The following ZC3H12C variants were observed in gnomAD, a reference collection of about 807,000 sequenced individuals.
ZC3H12C encodes the protein probable ribonuclease ZC3H12C.
ZC3H12C carries 20 observed loss-of-function variants against 76.3 expected under a neutral mutation model. That is an observed-to-expected ratio of 0.26 (90% CI 0.18 to 0.38). The LOEUF (loss-of-function observed/expected upper bound fraction) is 0.38. Among genes scored for constraint, ZC3H12C ranks in the 10% least tolerant of loss-of-function variants. ZC3H12C has a pLI of 1.00. For missense variants in ZC3H12C, 874 were observed against 1,086.5 expected (o/e 0.80, Z 2.75); for synonymous variants, 352 against 399.6 (o/e 0.88, Z 1.42).
At chr11:110,150,494 A>G (rs1862252259) in intron 2 of ZC3H12C, among the ~76,000 whole-genome samples, 1 of 152,172 alleles carries the variant, frequency 6.6e-6, no homozygotes, top group Non-Finnish European at 1.5e-5. Flanking sequence ...TAACAAGGAC[A>G]TTATATCTGC....
chr11:110,119,430 C>G (rs1861614783), intron 1 of ZC3H12C, among the ~76,000 whole-genome samples: 1 of 152,142 alleles, frequency 6.6e-6, no homozygotes, highest in Non-Finnish European at 1.5e-5. Context: ...TTATATGATT[C>G]AAATGCAGTT....
chr11:110,113,624 T>C (rs1212202728), intron 1 of ZC3H12C, among the ~76,000 whole-genome samples: 1 of 152,202 alleles, frequency 6.6e-6, no homozygotes, highest in Non-Finnish European at 1.5e-5. Flanking sequence ...TACAAAAATA[T>C]GCCTGTTTAT....
At chr11:110,096,001 A>C (rs1383466249) in intron 1 of ZC3H12C, among the ~76,000 whole-genome samples, 1 of 152,244 alleles carries the variant, frequency 6.6e-6, no homozygotes, top group African/African-American at 2.4e-5. Flanking sequence ...TCGTAAATCT[A>C]CCAAATGTTC....
rs1450663061 is a variant in ZC3H12C, at chr11:110,168,515, C to G, written c.*2778C>G. ...CTAACCAAATCTTTTACCAGACTTG[C>G]TAATAAATAACCAGAGAGATGTGTT... On this transcript the variant is annotated 3_prime_UTR_variant, in exon 6 of 6. Coordinates refer to ENST00000278590, the MANE Select transcript of ZC3H12C (RefSeq NM_033390.2). 12 of 152,082 alleles carry G rather than the reference C, an allele frequency of 7.9e-5. 1 individual carries two copies. The highest frequency in any genetic ancestry group is 7.9e-4 in the Admixed American group (12 of 15,264). The allele number at this position is 152,082 out of a possible 1,614,324, so 9.4% of individuals were successfully genotyped here. A position where few individuals can be genotyped will look rare whatever the true frequency, so the allele number is the denominator to read the frequency against.
chr11:110,164,564 A>G lies in ZC3H12C; in HGVS notation c.1479A>G (p.Pro493=). The G allele has an allele frequency of 6.2e-7, 1 of 1,614,030 alleles. No individual in the cohort carries two copies. The highest frequency in any genetic ancestry group is 2.2e-5 in the East Asian group (1 of 44,880). ...GTGCTCCAAAGAGGCAATCAGATCCAAGCATAAGGACACAAGTCTACCAAG... is the reference window on the plus strand; with the variant it reads ...GTGCTCCAAAGAGGCAATCAGATCCGAGCATAAGGACACAAGTCTACCAAG... ...KRGAPKRQSD[P]SIRTQVYQDL... Residue 493 remains proline, a synonymous_variant, in exon 6 of 6, where the codon CCA becomes CCG. Coordinates refer to ENST00000278590, the MANE Select transcript of ZC3H12C (RefSeq NM_033390.2). The surrounding 1 kb of genome is among the most constrained non-coding windows in gnomAD (Gnocchi z 5.7).
chr11:110,098,331 T>C (rs1374933829), intron 1 of ZC3H12C, among the ~76,000 whole-genome samples: 1 of 152,234 alleles, frequency 6.6e-6, no homozygotes, highest in Non-Finnish European at 1.5e-5. Flanking sequence ...ACAATGTGTT[T>C]CTGTCTTAAG....
chr11:110,108,880 ACTTC>A (rs1861379589), intron 1 of ZC3H12C, among the ~76,000 whole-genome samples: 1 of 152,254 alleles, frequency 6.6e-6, no homozygotes, highest in Non-Finnish European at 1.5e-5. Flanking sequence ...AGTTCTTGAT[ACTTC>A]CTTCATCTTC....
intron 3 of ZC3H12C, among the ~76,000 whole-genome samples, chr11:110,153,580 A>C (rs1011868799): frequency 6.6e-6 from 1 of 152,124 alleles, no homozygotes; most frequent in Non-Finnish European, 1.5e-5. Flanking sequence ...CTTTTGTGGA[A>C]ACTCTGACTT....
chr11:110,120,653 G>A (rs921268803), intron 1 of ZC3H12C, among the ~76,000 whole-genome samples: 1 of 152,134 alleles, frequency 6.6e-6, no homozygotes, highest in Admixed American at 6.5e-5. Context: ...AAAATCACAA[G>A]TGTTAATTTA....
At chr11:110,162,165 T>A (rs1565269397) in intron 4 of ZC3H12C, among the ~76,000 whole-genome samples, 1 of 152,104 alleles carries the variant, frequency 6.6e-6, no homozygotes, top group Non-Finnish European at 1.5e-5. Flanking sequence ...TTATGAAGGC[T>A]ATTAAGAAAC....
chr11:110,108,829 G>T (rs1384542037), intron 1 of ZC3H12C, among the ~76,000 whole-genome samples: 1 of 152,160 alleles, frequency 6.6e-6, no homozygotes, highest in Non-Finnish European at 1.5e-5. Context: ...AAGTCTAAAT[G>T]TTACTACCTT....
rs2134176976 is a variant in ZC3H12C at position 110,136,971 on chromosome 11, A to G, written c.330A>G (p.Pro110=). 1.9e-6 allele frequency: 3 copies of G among 1,613,798 alleles called. No homozygotes were observed. Among genetic ancestry groups the G allele is most frequent in the South Asian group, 1.1e-5 (1 of 91,032 alleles). ...SEQLGSISVE[P]GLITKTHRQL... ...AATTGGGTAGCATTTCAGTAGAGCC[A>G]GGCTTGATAACTAAGACTCACAGAC... Residue 110 remains proline, a synonymous_variant, in exon 2 of 6, where the codon CCA becomes CCG. Coordinates refer to ENST00000278590, the MANE Select transcript of ZC3H12C (RefSeq NM_033390.2).
chr11:110,135,975 A>G (rs1861952023), intron 1 of ZC3H12C: 1 of 152,250 alleles, frequency 6.6e-6, no homozygotes, highest in African/African-American at 2.4e-5. Flanking sequence ...TCCATAGTCA[A>G]AAAATCATGA....
In ZC3H12C at chr11:110,164,938, G is replaced by T; in HGVS notation, c.1853G>T (p.Arg618Ile). The T allele has an allele frequency of 6.2e-7, 1 of 1,613,998 alleles. No individual in the cohort carries two copies. The highest frequency in any genetic ancestry group is 8.5e-7 in the Non-Finnish European group (1 of 1,179,878). Residue 618 changes from arginine to isoleucine, a missense_variant, in exon 6 of 6, where the codon AGA becomes ATA. By Grantham distance (97) the Arg-to-Ile change is moderately conservative. Transcript: ENST00000278590. The surrounding 1 kb of genome is among the most constrained non-coding windows in gnomAD (Gnocchi z 5.7). ...ERRFSLDTDY[R>I]ISSVASDCSS... ...CGTTTCTCCTTAGACACAGATTATA[G>T]AATAAGTTCCGTAGCTTCTGACTGC... is the stretch of plus-strand genomic sequence containing the variant.
intron 1 of ZC3H12C, 105 bp from the exon 2 acceptor site, chr11:110,136,558 A>T (rs922832452): frequency 7.7e-7 from 1 of 1,305,240 alleles, no homozygotes; most frequent in Non-Finnish European, 1.0e-6. Context: ...TGTAGACAAA[A>T]TACAAAGTAT....
intron 3 of ZC3H12C, among the ~76,000 whole-genome samples, chr11:110,153,902 C>T (rs649847): frequency 6.6e-6 from 1 of 152,098 alleles, no homozygotes; most frequent in African/African-American, 2.4e-5. Flanking sequence ...AATTATTGTT[C>T]TTGAACATTT....
intron 1 of ZC3H12C, among the ~76,000 whole-genome samples, chr11:110,096,246 T>TTTGTTTAAATCTTTTTTAA (rs1861110291): frequency 6.6e-6 from 1 of 152,214 alleles, no homozygotes; most frequent in Non-Finnish European, 1.5e-5. Flanking sequence ...TGATTCAAGA[T>TTTGTTTAAATCTTTTTTAA]TTGTTTAAAA....
intron 1 of ZC3H12C, among the ~76,000 whole-genome samples, chr11:110,095,759 CA>C (rs1409591857): frequency 6.6e-6 from 1 of 152,146 alleles, no homozygotes; most frequent in Non-Finnish European, 1.5e-5. Context: ...GGTTGGGAGT[CA>C]TTTCCAAATG....
At chr11:110,120,765 G>A (rs1159418015) in intron 1 of ZC3H12C, among the ~76,000 whole-genome samples, 2 of 152,194 alleles carry the variant, frequency 1.3e-5, no homozygotes, top group Non-Finnish European at 2.9e-5. Flanking sequence ...ACTGTGTATT[G>A]AGTTTCTACT....
Sources: allele counts gnomAD v4.1 joint callset (sites outside exome capture counted in the v4.1 genomes callset), GRCh38; gene constraint gnomAD v4.1.1; non-coding constraint Gnocchi (gnomAD v3.1); transcripts MANE v1.5; gene names NCBI Gene and HGNC (gene_info 2026-07-23, HGNC 2026-07-21).